Variants in RBFOX1 observed in about 807,000 individuals in gnomAD.
RBFOX1 encodes the protein RNA binding protein fox-1 homolog 1.
Under a neutral mutation model 57.7 loss-of-function variants are expected in RBFOX1, and 8 were observed. The observed-to-expected ratio is 0.14, with a 90% CI of 0.08 to 0.25. The LOEUF is 0.25. Ranked by LOEUF, RBFOX1 falls within the 10% of genes least tolerant of loss-of-function variation. RBFOX1 has a pLI of 1.00. For synonymous variants in RBFOX1, 326 were observed against 222.4 expected (o/e 1.47, Z -4.15); for missense variants, 611 against 548.5 (o/e 1.11, Z -1.14).
chr16:6,360,279 G>A (rs2088201910), intron 2 of RBFOX1, among the ~76,000 whole-genome samples: 1 of 151,688 alleles, frequency 6.6e-6, no homozygotes, highest in South Asian at 2.1e-4. Flanking sequence ...CTGGAGACCT[G>A]TCCATGAAAG....
At chr16:7,515,835 CGTTGTTGTT>C (rs139201687) in intron 4 of RBFOX1, among the ~76,000 whole-genome samples, 5 of 151,230 alleles carry the variant, frequency 3.3e-5, no homozygotes, top group African/African-American at 1.2e-4. Context: ...AGTGGCAGTT[CGTTGTTGTT>C]GTTGTTGTTG....
chr16:7,675,724 A>ATAAGG (rs150696601), intron 13 of RBFOX1, among the ~76,000 whole-genome samples: 9,044 of 152,194 alleles, frequency 0.059, 815 homozygotes, highest in African/African-American at 0.19. Context: ...CTGCTGTTGT[A>ATAAGG]TACCTTCTCA....
chr16:6,302,242 T>A (rs1256538284), intron 1 of RBFOX1, among the ~76,000 whole-genome samples: 3 of 152,022 alleles, frequency 2.0e-5, no homozygotes, highest in Non-Finnish European at 4.4e-5. Context: ...TTCGCAAACC[T>A]TTCATGATCT....
intron 5 of RBFOX1, among the ~76,000 whole-genome samples, chr16:7,554,414 T>C (rs1281828625): frequency 6.6e-6 from 1 of 152,180 alleles, no homozygotes; most frequent in African/African-American, 2.4e-5. Context: ...GAGAGGTCAG[T>C]TAACATACTC....
chr16:7,567,651 C>CTATA lies in RBFOX1; in HGVS notation c.271-12116_271-12113dup, dbSNP rs200824101. On this transcript the variant is annotated intron_variant, in intron 5 of 15. Coordinates refer to ENST00000550418, the MANE Select transcript of RBFOX1 (RefSeq NM_018723.4). ...TATATATATATCCCTATATATGGCC[C>CTATA]TATATATATATATCCCTATATATGG... 8.3e-3 allele frequency among the ~76,000 whole-genome samples: 488 copies of CTATA among 59,028 alleles called. 17 individuals carry two copies. The highest frequency in any genetic ancestry group is 0.02 in the African/African-American group (410 of 20,256). 38.7% of individuals were successfully genotyped at this position (59,028 alleles called of 152,430 possible).
At chr16:5,302,583 C>A (rs1006097225) in intron 1 of RBFOX1, among the ~76,000 whole-genome samples, 1 of 152,254 alleles carries the variant, frequency 6.6e-6, no homozygotes, top group Non-Finnish European at 1.5e-5. Flanking sequence ...ATTATTGCAT[C>A]ATCTATTTTG....
At chr16:7,141,410 A>G (rs1056762740) in intron 4 of RBFOX1, among the ~76,000 whole-genome samples, 3 of 152,214 alleles carry the variant, frequency 2.0e-5, no homozygotes, top group African/African-American at 4.8e-5. Context: ...GGCGGCAGCT[A>G]GAAGACCTTA....
intron 1 of RBFOX1, among the ~76,000 whole-genome samples, chr16:6,263,906 A>T (rs1029377885): frequency 6.6e-6 from 1 of 152,214 alleles, no homozygotes; most frequent in Admixed American, 6.5e-5. Context: ...AACATCCACT[A>T]TTACAGGATT....
At chr16:6,448,894 T>C (rs1442496390) in intron 2 of RBFOX1, among the ~76,000 whole-genome samples, 1 of 152,184 alleles carries the variant, frequency 6.6e-6, no homozygotes, top group Non-Finnish European at 1.5e-5. Context: ...ATAGCAGCCA[T>C]TTTCAGTCAT....
intron 3 of RBFOX1, among the ~76,000 whole-genome samples, chr16:7,007,697 G>C (rs1017480320): frequency 1.3e-5 from 2 of 152,060 alleles, no homozygotes; most frequent in African/African-American, 4.8e-5. Flanking sequence ...ATGTACTTTT[G>C]CTGCTAATTT....
At chr16:7,634,166 A>G (rs922416012) in intron 11 of RBFOX1, among the ~76,000 whole-genome samples, 2 of 152,136 alleles carry the variant, frequency 1.3e-5, no homozygotes, top group Non-Finnish European at 2.9e-5. Flanking sequence ...AGGCTACCAT[A>G]CTTTTCAGCA....
At chr16:7,216,873 C>T (rs2092137249) in intron 4 of RBFOX1, among the ~76,000 whole-genome samples, 2 of 152,226 alleles carry the variant, frequency 1.3e-5, no homozygotes, top group South Asian at 4.1e-4. Flanking sequence ...TCATTCTTTT[C>T]AATCATCCTG....
intron 3 of RBFOX1, among the ~76,000 whole-genome samples, chr16:6,786,292 T>C (rs574700701): frequency 6.6e-6 from 1 of 152,266 alleles, no homozygotes; most frequent in South Asian, 2.1e-4. Context: ...TGAGATCTCT[T>C]AACCACTTGT....
intron 2 of RBFOX1, among the ~76,000 whole-genome samples, chr16:6,497,469 C>G (rs935026097): frequency 6.6e-6 from 1 of 151,894 alleles, no homozygotes; most frequent in African/African-American, 2.4e-5. Flanking sequence ...GGTGTGAACT[C>G]TAGAAGAACA....
chr16:6,373,842 C>G (rs570897688), intron 2 of RBFOX1, among the ~76,000 whole-genome samples: 5 of 152,222 alleles, frequency 3.3e-5, no homozygotes, highest in African/African-American at 1.2e-4. Flanking sequence ...TGTTATACTT[C>G]TGTACTCATT....
chr16:6,552,893 A>G (rs2097018443), intron 2 of RBFOX1, among the ~76,000 whole-genome samples: 1 of 152,120 alleles, frequency 6.6e-6, no homozygotes, highest in African/African-American at 2.4e-5. Flanking sequence ...ATAATATAAC[A>G]AAATGTATGT....
chr16:6,823,311 C>T (rs777216204), intron 3 of RBFOX1, among the ~76,000 whole-genome samples: 24 of 151,488 alleles, frequency 1.6e-4, no homozygotes, highest in Non-Finnish European at 4.4e-5. Flanking sequence ...GGCTGGAGTG[C>T]AATGGCATGA....
chr16:6,518,240 C>T (rs946435604), intron 2 of RBFOX1, among the ~76,000 whole-genome samples: 11 of 152,076 alleles, frequency 7.2e-5, no homozygotes, highest in Non-Finnish European at 1.3e-4. Context: ...GGGCCAAACA[C>T]CATGTACCAT....
chr16:7,099,164 T>G (rs1191359021), intron 4 of RBFOX1, among the ~76,000 whole-genome samples: 1 of 152,204 alleles, frequency 6.6e-6, no homozygotes, highest in Non-Finnish European at 1.5e-5. Context: ...GTTGTAACCA[T>G]CAATACTGTT....
Sources: gnomAD v4.1 joint callset for allele counts (sites outside exome capture counted in the v4.1 genomes callset) on GRCh38, gnomAD v4.1.1 for gene constraint, MANE v1.5 for transcripts, NCBI Gene and HGNC (gene_info 2026-07-23, HGNC 2026-07-21) for gene names.